AGPAT4: variants seen among roughly 807,000 people sequenced by gnomAD.
AGPAT4 encodes the protein 1-acylglycerol-3-phosphate O-acyltransferase 4.
AGPAT4 carries 15 observed loss-of-function variants against 48.0 expected under a neutral mutation model. That is an observed-to-expected ratio of 0.31 (90% confidence interval 0.21 to 0.48). The LOEUF is 0.48. Ranked by LOEUF, AGPAT4 falls within the 20% of genes least tolerant of loss-of-function variation. The pLI is 0.99. For missense variants in AGPAT4, 314 were observed against 482.5 expected (o/e 0.65, Z 3.27); for synonymous variants, 178 against 198.7 (o/e 0.90, Z 0.88).
intron 2 of AGPAT4, among the ~76,000 whole-genome samples, chr6:161,211,600 A>G (rs919478797): frequency 6.6e-6 from 1 of 152,208 alleles, no homozygotes; most frequent in Non-Finnish European, 1.5e-5. Flanking sequence ...TGTCATGAAC[A>G]GTCTGTGTAA....
intron 3 of AGPAT4, among the ~76,000 whole-genome samples, chr6:161,162,728 C>G (rs1241566235): frequency 6.6e-6 from 1 of 152,224 alleles, no homozygotes; most frequent in Non-Finnish European, 1.5e-5. Flanking sequence ...TCCCAGTTGG[C>G]CCGGCAGATA....
At chr6:161,209,242 T>C (rs542320353) in intron 2 of AGPAT4, among the ~76,000 whole-genome samples, 27 of 152,222 alleles carry the variant, frequency 1.8e-4, no homozygotes, top group Admixed American at 1.8e-3. Context: ...AAGGCTTGCT[T>C]GGAGGTGATG....
rs912863103 is a variant in AGPAT4 at position 161,235,336 on chromosome 6, C to A, written c.-89-3034G>T. On this transcript the variant is annotated intron_variant, in intron 1 of 8. Coordinates refer to ENST00000320285, the MANE Select transcript of AGPAT4 (RefSeq NM_020133.3). This position sits in a 1 kb window ranked among gnomAD's most constrained non-coding sequence, Gnocchi z 6.2. ...ATGCAAACGCCAAAATAAGAATAGTCAAGGCATCCTCTGAAGAAGAAGGTG... is the reference window on the plus strand; with the variant it reads ...ATGCAAACGCCAAAATAAGAATAGTAAAGGCATCCTCTGAAGAAGAAGGTG... Among the ~76,000 whole-genome samples the A allele has an allele frequency of 6.6e-6, 1 of 152,128 alleles. No homozygotes were observed. The highest frequency in any genetic ancestry group is 2.4e-5 in the African/African-American group (1 of 41,428).
rs1216763652 is a variant in AGPAT4 at position 161,223,862 on chromosome 6, T to A, written c.178+8174A>T. ...CCTGTGTGACCCTGGGCAAGTCACT[T>A]AAACTCTCTGTGCCTAACTACTCAA... is the stretch of plus-strand genomic sequence containing the variant. On this transcript the variant is annotated intron_variant, in intron 2 of 8. Coordinates refer to ENST00000320285, the MANE Select transcript of AGPAT4 (RefSeq NM_020133.3). This position sits in a 1 kb window ranked among gnomAD's most constrained non-coding sequence, Gnocchi z 6.3. 6.6e-6 allele frequency among the ~76,000 whole-genome samples: 1 copy of A among 152,172 alleles called. No homozygotes were observed. The highest frequency in any genetic ancestry group is 2.4e-5 in the African/African-American group (1 of 41,438).
At chr6:161,193,233 G>A (rs1454715369) in intron 2 of AGPAT4, among the ~76,000 whole-genome samples, 1 of 152,128 alleles carries the variant, frequency 6.6e-6, no homozygotes, top group Non-Finnish European at 1.5e-5. Flanking sequence ...TCCTTCTGAT[G>A]TGTCTTCCAG....
Position 161,236,535 on chromosome 6 carries a change from G to T in AGPAT4, c.-89-4233C>A, listed in dbSNP as rs981233312. ...TTCTCTTTCAACAGGTTCACACAAA[G>T]AAATCTGGCCACAGAGGCTGGCACG... On this transcript the variant is annotated intron_variant, in intron 1 of 8. Transcript: ENST00000320285. The surrounding 1 kb of genome is among the most constrained non-coding windows in gnomAD (Gnocchi z 5.0). Among the ~76,000 whole-genome samples, 7 of 152,070 alleles carry T rather than the reference G, an allele frequency of 4.6e-5. No homozygotes were observed. Among genetic ancestry groups the T allele is most frequent in the Non-Finnish European group, 8.8e-5 (6 of 68,010 alleles).
chr6:161,249,180 G>C lies in AGPAT4; in HGVS notation c.-89-16878C>G, dbSNP rs1782741929. Among the ~76,000 whole-genome samples the C allele has an allele frequency of 6.6e-6, 1 of 152,152 alleles. No individual in the cohort carries two copies. The highest frequency in any genetic ancestry group is 2.4e-5 in the African/African-American group (1 of 41,434). ...AAAAATTAACCCAAGATGGACTAAA[G>C]ACTTAAGTGTAAAATCCAAAACTAT... is the stretch of plus-strand genomic sequence containing the variant. On this transcript the variant is annotated intron_variant, in intron 1 of 8. Coordinates refer to ENST00000320285, the MANE Select transcript of AGPAT4 (RefSeq NM_020133.3). This position sits in a 1 kb window ranked among gnomAD's most constrained non-coding sequence, Gnocchi z 6.2.
chr6:161,262,485 C>T lies in AGPAT4; in HGVS notation c.-90+11453G>A, dbSNP rs1473291132. Among the ~76,000 whole-genome samples the T allele has an allele frequency of 5.9e-5, 9 of 151,360 alleles. No homozygotes were observed. Among genetic ancestry groups the T allele is most frequent in the African/African-American group, 2.2e-4 (9 of 41,266 alleles). ...TACTAGCTCATTCCTTTTTTTTTTC[C>T]CCCTCCTCATTATTCTCTCATAGCA... On this transcript the variant is annotated intron_variant, in intron 1 of 8. Transcript: ENST00000320285. The surrounding 1 kb of genome is among the most constrained non-coding windows in gnomAD (Gnocchi z 4.9).
In AGPAT4 at chr6:161,147,195, C is replaced by A. The variant is rs375894355; in HGVS notation, c.768-596G>T. Among the ~76,000 whole-genome samples the A allele has an allele frequency of 2.6e-5, 4 of 152,228 alleles. No individual in the cohort carries two copies. In the South Asian group the frequency reaches 6.2e-4, roughly 24 times the overall value. On this transcript the variant is annotated intron_variant, in intron 6 of 8. Transcript: ENST00000320285. This position sits in a 1 kb window ranked among gnomAD's most constrained non-coding sequence, Gnocchi z 4.8. ...GTAGCCAGGGCATCTTCCCCAGGCT[C>A]CATGGCTCAGACAGGGGTCTTGAGT...
chr6:161,199,927 C>T (rs1375745185), intron 2 of AGPAT4, among the ~76,000 whole-genome samples: 4 of 152,314 alleles, frequency 2.6e-5, no homozygotes, highest in East Asian at 1.9e-4. Flanking sequence ...AGCAGCTTGA[C>T]ATCAATGCTG....
chr6:161,218,294 A>G lies in AGPAT4; in HGVS notation c.178+13742T>C, dbSNP rs922922632. Among the ~76,000 whole-genome samples the G allele has an allele frequency of 9.9e-5, 15 of 152,202 alleles. No individual in the cohort carries two copies. Among genetic ancestry groups the G allele is most frequent in the African/African-American group, 3.1e-4 (13 of 41,450 alleles). On this transcript the variant is annotated intron_variant, in intron 2 of 8. Transcript: ENST00000320285. The surrounding 1 kb of genome is among the most constrained non-coding windows in gnomAD (Gnocchi z 4.7). Reference sequence around the variant, plus strand: ...TAGTTCTGCCGATTTCTATGGTGCAAATATTCCCACAAATGTCAGTGCCAA... The same window carrying G: ...TAGTTCTGCCGATTTCTATGGTGCAGATATTCCCACAAATGTCAGTGCCAA...
At position 161,262,415 on chromosome 6, in the gene AGPAT4, G is replaced by A. The variant is rs1783129444; in HGVS notation, c.-90+11523C>T. ...CACACAGGGGCTACTTCCCACTGCT[G>A]TGTGTGAGCTCCCCAAACCCCAAAC... On this transcript the variant is annotated intron_variant, in intron 1 of 8. Coordinates refer to ENST00000320285, the MANE Select transcript of AGPAT4 (RefSeq NM_020133.3). This position sits in a 1 kb window ranked among gnomAD's most constrained non-coding sequence, Gnocchi z 4.9. 2.0e-5 allele frequency among the ~76,000 whole-genome samples: 3 copies of A among 152,176 alleles called. No homozygotes were observed. The highest frequency in any genetic ancestry group is 7.2e-5 in the African/African-American group (3 of 41,446).
At chr6:161,224,914 CA>C (rs1781931028) in intron 2 of AGPAT4, among the ~76,000 whole-genome samples, 1 of 152,176 alleles carries the variant, frequency 6.6e-6, no homozygotes. Context: ...ATCAATATGT[CA>C]GTATGTTCAA....
In AGPAT4 at chr6:161,261,562, G is replaced by C. The variant is rs1783100587; in HGVS notation, c.-90+12376C>G. ...TGATGGGACCTGTCAGAGGGACGTA[G>C]CTGCTACCCTGAGACCGGGTAAGGC... On this transcript the variant is annotated intron_variant, in intron 1 of 8. Transcript: ENST00000320285. The surrounding 1 kb of genome is among the most constrained non-coding windows in gnomAD (Gnocchi z 5.3). 6.6e-6 allele frequency among the ~76,000 whole-genome samples: 1 copy of C among 152,206 alleles called. No homozygotes were observed. Among genetic ancestry groups the C allele is most frequent in the South Asian group, 2.1e-4 (1 of 4,830 alleles).
rs9458138 is a variant in AGPAT4, at chr6:161,136,629, C to T, written c.1048G>A (p.Val350Met). ...ACACCAATCATCCATCGAACTCCCA[C>T]GGAGGCTGCAGAGACAAGGAGAGCA... ...SFILVFFVASVGVRWMIGVTE... is the reference protein window; with the variant it reads ...SFILVFFVASMGVRWMIGVTE... Residue 350 changes from valine (V) to methionine (M), a missense_variant, in exon 9 of 9, where the codon GTG becomes ATG. By Grantham distance (21) the Val-to-Met change is conservative (BLOSUM62 1). Coordinates refer to ENST00000320285, the MANE Select transcript of AGPAT4 (RefSeq NM_020133.3). 5.0e-6 allele frequency: 8 copies of T among 1,613,926 alleles called. No individual in the cohort carries two copies. Among genetic ancestry groups the T allele is most frequent in the Admixed American group, 3.3e-5 (2 of 60,008 alleles).
intron 2 of AGPAT4, among the ~76,000 whole-genome samples, chr6:161,210,965 C>A (rs1002107041): frequency 2.0e-5 from 3 of 152,194 alleles, no homozygotes; most frequent in Non-Finnish European, 4.4e-5. Context: ...AATTTGTTAT[C>A]ATCTTTGTTT....
At chr6:161,136,674 C>G in intron 8 of AGPAT4, 40 bp from the exon 9 acceptor site, 1 of 1,559,334 alleles carries the variant, frequency 6.4e-7, no homozygotes, top group Non-Finnish European at 8.8e-7. Flanking sequence ...GTAGCCCAAA[C>G]AGACTACAGG....
intron 1 of AGPAT4, among the ~76,000 whole-genome samples, chr6:161,239,822 T>A (rs1015139743): frequency 6.6e-6 from 1 of 152,196 alleles, no homozygotes; most frequent in African/African-American, 2.4e-5. Context: ...TGAGTACAAA[T>A]CCATCTTTTT....
In AGPAT4 at chr6:161,232,517, T is replaced by C. The variant is rs1167892323; in HGVS notation, c.-89-215A>G. On this transcript the variant is annotated intron_variant, in intron 1 of 8. Coordinates refer to ENST00000320285, the MANE Select transcript of AGPAT4 (RefSeq NM_020133.3). The surrounding 1 kb of genome is among the most constrained non-coding windows in gnomAD (Gnocchi z 6.8). ...AATCCTTCCTTTAATTCTCCCAATA[T>C]CCTCTGAGGTTGGTACTTTGATTTC... is the stretch of plus-strand genomic sequence containing the variant. Among the ~76,000 whole-genome samples the C allele has an allele frequency of 6.6e-6, 1 of 152,164 alleles. No individual in the cohort carries two copies. Among genetic ancestry groups the C allele is most frequent in the African/African-American group, 2.4e-5 (1 of 41,438 alleles).
Sources: gnomAD v4.1 joint callset for allele counts (sites outside exome capture counted in the v4.1 genomes callset) on GRCh38, gnomAD v4.1.1 for gene constraint, Gnocchi (gnomAD v3.1) non-coding constraint, MANE v1.5 for transcripts, NCBI Gene and HGNC (gene_info 2026-07-23, HGNC 2026-07-21) for gene names.